Variants in DCLK3 observed in about 807,000 individuals in gnomAD.
DCLK3 encodes the protein serine/threonine-protein kinase DCLK3.
DCLK3 carries 30 observed loss-of-function variants against 46.4 expected under a neutral mutation model. The ratio of observed to expected loss-of-function variants is 0.65; its 90% confidence interval spans 0.48 to 0.88. The LOEUF (loss-of-function observed/expected upper bound fraction) is 0.88. Among genes scored for constraint, DCLK3 ranks in the 40% least tolerant of loss-of-function variants. DCLK3 has a pLI of 0.00. For missense variants in DCLK3, 846 were observed against 907.1 expected, an observed-to-expected ratio of 0.93 and a Z score of 0.87; for synonymous variants, 401 against 339.2, an observed-to-expected ratio of 1.18 and a Z score of -2.00.
rs1296389703 is a variant in DCLK3 at position 36,715,406 on chromosome 3, T to A, written c.2376A>T (p.Lys792Asn). The stretch of plus-strand genomic sequence containing the variant: ...TGCTGGGGGACACCTGCTTCTGTCG[T>A]TTCACTGTATTGGTCTTGCCAGCTG... ...IETAGKTNTV[K>N]RQKQVSPSSE... The change falls in exon 5 of 5, where the codon AAA becomes AAT. Residue 792 changes from lysine to asparagine, a missense_variant. By Grantham distance (94) the Lys-to-Asn change is moderately conservative. Coordinates refer to ENST00000636136, the MANE Select transcript of DCLK3 (RefSeq NM_001394672.2). 1 of 1,613,984 alleles carries A rather than the reference T, an allele frequency of 6.2e-7. No homozygotes were observed. The highest frequency in any genetic ancestry group is 1.3e-5 in the African/African-American group (1 of 74,916).
chr3:36,759,498 AAGTAAC>A (rs1559395719), intron 1 of DCLK3, among the ~76,000 whole-genome samples: 148 of 151,554 alleles, frequency 9.8e-4, no homozygotes, highest in African/African-American at 3.3e-3. Context: ...TGTGTGTGAG[AAGTAAC>A]CTTCGTTGAG....
intron 1 of DCLK3, among the ~76,000 whole-genome samples, chr3:36,761,745 C>T (rs1355161291): frequency 2.0e-5 from 3 of 152,130 alleles, no homozygotes; most frequent in Non-Finnish European, 4.4e-5. Flanking sequence ...AGTAACCTCA[C>T]CGTCAAGACA....
At chr3:36,750,832 G>T (rs950748096) in intron 1 of DCLK3, among the ~76,000 whole-genome samples, 18 of 152,124 alleles carry the variant, frequency 1.2e-4, no homozygotes, top group Admixed American at 5.9e-4. Context: ...AGATTTAGAG[G>T]TGTCATTTAT....
At chr3:36,729,771 C>T (rs1313071988) in intron 2 of DCLK3, 1 of 152,180 alleles carries the variant, frequency 6.6e-6, no homozygotes, top group Admixed American at 6.5e-5. Context: ...CGTACTTTTT[C>T]CCTCCAAGGT....
intron 1 of DCLK3, among the ~76,000 whole-genome samples, chr3:36,746,600 T>C (rs967069992): frequency 6.6e-6 from 1 of 152,212 alleles, no homozygotes; most frequent in Non-Finnish European, 1.5e-5. Flanking sequence ...TCATGCTTCA[T>C]GCAAACCAGA....
In DCLK3 at chr3:36,737,574, A is replaced by T; in HGVS notation, c.1593T>A (p.Ile531=). The change falls in exon 2 of 5, where the codon ATT becomes ATA. Residue 531 remains isoleucine, a synonymous_variant. Coordinates refer to ENST00000636136, the MANE Select transcript of DCLK3 (RefSeq NM_001394672.2). This position sits in a 1 kb window ranked among gnomAD's most constrained non-coding sequence, Gnocchi z 4.4. ...VEKHYETGRV[I]GDGNFAVVKE... ...TCACGACAGCAAAGTTCCCATCCCC[A>T]ATGACCCGGCCAGTCTCATAATGCT... 6.2e-7 allele frequency: 1 copy of T among 1,614,054 alleles called. No homozygotes were observed. Among genetic ancestry groups the T allele is most frequent in the Non-Finnish European group, 8.5e-7 (1 of 1,180,006 alleles).
chr3:36,736,244 T>G (rs1006606841), intron 2 of DCLK3, among the ~76,000 whole-genome samples: 1 of 152,178 alleles, frequency 6.6e-6, no homozygotes. Context: ...CTGGGCTGGA[T>G]AGTGTCAGCA....
In DCLK3 at chr3:36,715,202, C is replaced by T. The variant is rs1018986811; in HGVS notation, c.*126G>A. The T allele has an allele frequency of 1.1e-4, 107 of 1,016,764 alleles. No homozygotes were observed. Among genetic ancestry groups the T allele is most frequent in the Non-Finnish European group, 1.3e-4 (94 of 722,644 alleles). The allele number at this position is 1,016,764 out of a possible 1,614,324, so 63.0% of individuals were successfully genotyped here. On this transcript the variant is annotated 3_prime_UTR_variant, in exon 5 of 5. Transcript: ENST00000636136. The stretch of plus-strand genomic sequence containing the variant: ...TTTTTAATATGCTTTAAAATATACT[C>T]AGTGTCTCTCCCTCTGATTCACCAA...
chr3:36,723,778 C>A (rs934982180), intron 2 of DCLK3, among the ~76,000 whole-genome samples: 14 of 152,176 alleles, frequency 9.2e-5, no homozygotes, highest in African/African-American at 3.4e-4. Flanking sequence ...GATGTCCAGG[C>A]AAAAGTTTGC....
At chr3:36,740,077 T>C (rs912129941) in intron 1 of DCLK3, among the ~76,000 whole-genome samples, 5 of 151,876 alleles carry the variant, frequency 3.3e-5, no homozygotes, top group Non-Finnish European at 5.9e-5. Context: ...AATCCTGGCA[T>C]GGCCATGGAC....
intron 3 of DCLK3, among the ~76,000 whole-genome samples, chr3:36,718,444 A>G (rs1701014152): frequency 6.6e-6 from 1 of 152,236 alleles, no homozygotes; most frequent in Non-Finnish European, 1.5e-5. Context: ...GAGCAGAGAA[A>G]TTGAAAGCAA....
At position 36,738,334 on chromosome 3, in the gene DCLK3, G is replaced by T. The variant is rs537884828; in HGVS notation, c.833C>A (p.Pro278His). The part of the protein sequence containing the change: ...KWEPEPSSKP[P>H]REATLEERHA... The stretch of plus-strand genomic sequence containing the variant: ...CCTCTCTTCCAGAGTGGCTTCCCTG[G>T]GGGGCTTGCTACTGGGTTCTGGCTC... Residue 278 changes from proline to histidine, a missense_variant, in exon 2 of 5, where the codon CCC becomes CAC. Around this residue, in one of 3 missense-constraint regions of DCLK3, gnomAD observed 553 missense variants for 543.0 expected, o/e 1.02. Coordinates refer to ENST00000636136, the MANE Select transcript of DCLK3 (RefSeq NM_001394672.2). The T allele has an allele frequency of 8.0e-6, 12 of 1,506,894 alleles. No homozygotes were observed. Among genetic ancestry groups the T allele is most frequent in the Admixed American group, 2.4e-5 (1 of 42,384 alleles). The allele number at this position is 1,506,894 out of a possible 1,614,324, so 93.3% of individuals were successfully genotyped here. A position where few individuals can be genotyped will look rare whatever the true frequency, so the allele number is the denominator to read the frequency against.
intron 3 of DCLK3, among the ~76,000 whole-genome samples, chr3:36,720,661 C>T (rs530706741): frequency 8.5e-5 from 13 of 152,258 alleles, no homozygotes; most frequent in East Asian, 1.9e-4. Flanking sequence ...TGTGCCACCA[C>T]GCCCAGCTAA....
At chr3:36,717,953 A>G (rs762997349) in intron 4 of DCLK3, 57 bp downstream of exon 4, 17 of 1,607,366 alleles carry the variant, frequency 1.1e-5, no homozygotes, top group Non-Finnish European at 1.4e-5. Flanking sequence ...TCCTCTACAC[A>G]TCTGACCTGA....
intron 1 of DCLK3, among the ~76,000 whole-genome samples, chr3:36,763,227 A>C (rs1701554301): frequency 6.6e-6 from 1 of 152,218 alleles, no homozygotes; most frequent in Non-Finnish European, 1.5e-5. Flanking sequence ...ACATCAAGGA[A>C]AGGAAATGGA....
intron 1 of DCLK3, among the ~76,000 whole-genome samples, chr3:36,743,320 A>G (rs892672130): frequency 6.6e-6 from 1 of 151,578 alleles, no homozygotes; most frequent in Non-Finnish European, 1.5e-5. Flanking sequence ...AAAACAAAAT[A>G]AAATAAAATA....
At position 36,712,697 on chromosome 3, in the gene DCLK3, C is replaced by T. The variant is rs1700925014; in HGVS notation, c.*2631G>A. 1 of 152,150 alleles carries T rather than the reference C, an allele frequency of 6.6e-6. No individual in the cohort carries two copies. The highest frequency in any genetic ancestry group is 1.5e-5 in the Non-Finnish European group (1 of 68,028). 9.4% of individuals were successfully genotyped at this position (152,150 alleles called of 1,614,324 possible). A position where few individuals can be genotyped will look rare whatever the true frequency, so the allele number is the denominator to read the frequency against. On this transcript the variant is annotated 3_prime_UTR_variant, in exon 5 of 5. Coordinates refer to ENST00000636136, the MANE Select transcript of DCLK3 (RefSeq NM_001394672.2). ...TGGAATAGTATGTAAATGAAATAAT[C>T]AAAATGTAGTCTTTTTTTTCTTCTT...
intron 1 of DCLK3, among the ~76,000 whole-genome samples, chr3:36,747,875 A>T (rs1701406321): frequency 6.6e-6 from 1 of 152,194 alleles, no homozygotes; most frequent in Non-Finnish European, 1.5e-5. Flanking sequence ...CCCAATTTAC[A>T]AAAACAGATT....
At position 36,712,428 on chromosome 3, in the gene DCLK3, T is replaced by C. The variant is rs1376810581; in HGVS notation, c.*2900A>G. The C allele has an allele frequency of 6.6e-6, 1 of 152,236 alleles. No homozygotes were observed. Among genetic ancestry groups the C allele is most frequent in the African/African-American group, 2.4e-5 (1 of 41,462 alleles). 9.4% of individuals were successfully genotyped at this position (152,236 alleles called of 1,614,324 possible). ...ACTTTGAGGACCTGCAACTATATTT[T>C]TAACAACTTTATTGAGGTATAATTG... On this transcript the variant is annotated 3_prime_UTR_variant, in exon 5 of 5. Transcript: ENST00000636136.
Sources: allele counts gnomAD v4.1 joint callset (sites outside exome capture counted in the v4.1 genomes callset), GRCh38; gene constraint gnomAD v4.1.1; regional missense constraint gnomAD v4.1.1; non-coding constraint Gnocchi (gnomAD v3.1); transcripts MANE v1.5; gene names NCBI Gene and HGNC (gene_info 2026-07-23, HGNC 2026-07-21).